DCC: variants seen among roughly 807,000 people sequenced by gnomAD.
DCC encodes the protein netrin receptor DCC.
In DCC, 58 loss-of-function variants were observed where a neutral mutation model predicts 172.5. The ratio of observed to expected loss-of-function variants is 0.34; its 90% CI spans 0.27 to 0.42. The LOEUF is 0.42. Ranked by LOEUF, DCC falls within the 10% of genes least tolerant of loss-of-function variation. DCC has a pLI of 1.00. For synonymous variants in DCC, 709 were observed against 644.5 expected, an observed-to-expected ratio of 1.10 and a Z score of -1.52; for missense variants, 1,740 against 1,791.0, an observed-to-expected ratio of 0.97 and a Z score of 0.51.
intron 14 of DCC, among the ~76,000 whole-genome samples, chr18:53,337,280 T>A (rs2057602399): frequency 6.6e-6 from 1 of 152,258 alleles, no homozygotes; most frequent in Non-Finnish European, 1.5e-5. Context: ...AAGTCATAAA[T>A]GCAGAAGATC....
At chr18:52,553,635 T>C (rs2032836059) in intron 1 of DCC, among the ~76,000 whole-genome samples, 1 of 151,868 alleles carries the variant, frequency 6.6e-6, no homozygotes, top group Non-Finnish European at 1.5e-5. Context: ...GAGTGCACAC[T>C]CTGGGAAGGA....
intron 1 of DCC, among the ~76,000 whole-genome samples, chr18:52,443,500 TA>T (rs1423592323): frequency 2.0e-5 from 3 of 152,208 alleles, no homozygotes; most frequent in African/African-American, 4.8e-5. Context: ...CTCTGCTCGA[TA>T]AAGACTCTCC....
At chr18:53,413,859 C>T (rs182939883) in intron 20 of DCC, among the ~76,000 whole-genome samples, 1 of 152,256 alleles carries the variant, frequency 6.6e-6, no homozygotes, top group African/African-American at 2.4e-5. Flanking sequence ...CTTGACATAT[C>T]TTGTCAAGGA....
chr18:53,465,685 C>T (rs1331289767), intron 24 of DCC, among the ~76,000 whole-genome samples: 4 of 152,074 alleles, frequency 2.6e-5, no homozygotes, highest in South Asian at 2.1e-4. Flanking sequence ...GTTTCACACC[C>T]TTTTTCCTCT....
At chr18:52,626,128 A>G (rs558687959) in intron 1 of DCC, among the ~76,000 whole-genome samples, 1 of 152,286 alleles carries the variant, frequency 6.6e-6, no homozygotes, top group African/African-American at 2.4e-5. Context: ...CTCATCCCAC[A>G]TGTTTGAAGT....
chr18:52,902,786 A>C (rs2039828643), intron 2 of DCC, among the ~76,000 whole-genome samples: 1 of 152,186 alleles, frequency 6.6e-6, no homozygotes, highest in African/African-American at 2.4e-5. Flanking sequence ...GAGCCTTATA[A>C]ACTTAGAATT....
chr18:53,109,947 A>ATT (rs905474623), intron 7 of DCC, among the ~76,000 whole-genome samples: 1 of 149,352 alleles, frequency 6.7e-6, no homozygotes, highest in Non-Finnish European at 1.5e-5. Flanking sequence ...CTCTGAAAGT[A>ATT]TTTTTTTTTT....
Position 52,896,326 on chromosome 18 carries a change from C to T in DCC, c.413-9718C>T, listed in dbSNP as rs2039729304. Among the ~76,000 whole-genome samples, 3 of 146,208 alleles carry T rather than the reference C, an allele frequency of 2.1e-5. No homozygotes were observed. The South Asian group carries it at 6.5e-4, about 32-fold the overall frequency. On this transcript the variant is annotated intron_variant, in intron 2 of 28. Coordinates refer to ENST00000442544, the MANE Select transcript of DCC (RefSeq NM_005215.4). The stretch of plus-strand genomic sequence containing the variant: ...TAAAGTAAAACAAGCAAATAATAAA[C>T]TCCTAGCTGATCTACACATTAAGTA...
chr18:53,201,004 T>C (rs568763135), intron 9 of DCC, among the ~76,000 whole-genome samples: 2 of 152,184 alleles, frequency 1.3e-5, no homozygotes, highest in South Asian at 4.1e-4. Context: ...TCAGATAAGG[T>C]GCATTTTCTT....
intron 5 of DCC, among the ~76,000 whole-genome samples, chr18:53,013,341 T>C (rs974823199): frequency 7.9e-5 from 12 of 152,050 alleles, no homozygotes; most frequent in African/African-American, 2.9e-4. Flanking sequence ...ATGTGGCACA[T>C]ATATACCATG....
chr18:53,339,589 T>G, intron 14 of DCC, 124 bp from the exon 15 acceptor site: 1 of 795,428 alleles, frequency 1.3e-6, no homozygotes, highest in Non-Finnish European at 2.2e-6. Flanking sequence ...AAGAGTGACT[T>G]GGGCAATAGG....
chr18:53,477,217 C>T (rs1406204050), intron 25 of DCC, among the ~76,000 whole-genome samples: 1 of 152,130 alleles, frequency 6.6e-6, no homozygotes, highest in Non-Finnish European at 1.5e-5. Flanking sequence ...CCACGTTGCC[C>T]AGGCTGGTCT....
At chr18:52,409,627 T>C (rs1003187692) in intron 1 of DCC, among the ~76,000 whole-genome samples, 3 of 152,142 alleles carry the variant, frequency 2.0e-5, no homozygotes, top group Admixed American at 6.6e-5. Flanking sequence ...AACAGTGACA[T>C]GTGGGAACAA....
chr18:52,826,535 C>A (rs115201657), intron 2 of DCC, among the ~76,000 whole-genome samples: 1 of 151,978 alleles, frequency 6.6e-6, no homozygotes, highest in Admixed American at 6.6e-5. Context: ...GGCTGGAGTG[C>A]AGTAGTGGGA....
At chr18:52,818,312 TGA>T (rs1245396933) in intron 2 of DCC, 4 of 151,000 alleles carry the variant, frequency 2.6e-5, no homozygotes, top group Non-Finnish European at 4.4e-5. Context: ...CTCGGGAGGC[TGA>T]GAGAGGAGGA....
At chr18:52,907,333 GA>G (rs1164658157) in intron 3 of DCC, among the ~76,000 whole-genome samples, 11 of 68,914 alleles carry the variant, frequency 1.6e-4, no homozygotes, top group Non-Finnish European at 3.6e-4. Flanking sequence ...TATCCATATG[GA>G]TATATACATA....
chr18:52,546,146 G>T (rs1271909403), intron 1 of DCC, among the ~76,000 whole-genome samples: 1 of 152,114 alleles, frequency 6.6e-6, no homozygotes, highest in East Asian at 1.9e-4. Context: ...ATATGTATGG[G>T]TGTACGTGCA....
chr18:53,273,595 C>A (rs767184671), intron 12 of DCC, among the ~76,000 whole-genome samples: 7 of 152,022 alleles, frequency 4.6e-5, no homozygotes, highest in Admixed American at 1.3e-4. Flanking sequence ...ATGAGTGTTG[C>A]CTGAAAGCTA....
chr18:52,467,007 CTT>C (rs1160432934), intron 1 of DCC, among the ~76,000 whole-genome samples: 1 of 151,370 alleles, frequency 6.6e-6, no homozygotes, highest in East Asian at 1.9e-4. Flanking sequence ...CCAAATCACT[CTT>C]TGTGTGGTTC....
Sources: allele counts gnomAD v4.1 joint callset (sites outside exome capture counted in the v4.1 genomes callset), GRCh38; gene constraint gnomAD v4.1.1; transcripts MANE v1.5; gene names NCBI Gene and HGNC (gene_info 2026-07-23, HGNC 2026-07-21).